The following PCM1 variants were observed in gnomAD, a reference collection of about 807,000 sequenced individuals.
The protein encoded by PCM1 is pericentriolar material 1.
In PCM1, 157 loss-of-function variants were observed where a neutral mutation model predicts 241.9. The observed-to-expected ratio is 0.65, with a 90% CI of 0.57 to 0.74. The LOEUF is 0.74. Ranked by LOEUF, PCM1 falls within the 30% of genes least tolerant of loss-of-function variation. The probability of loss-of-function intolerance (pLI) is 0.00; values close to 1 mark genes in which losing one functional copy is unlikely to be tolerated. For synonymous variants in PCM1, 1,085 were observed against 784.9 expected, an observed-to-expected ratio of 1.38 and a Z score of -6.39; for missense variants, 3,478 against 2,360.1, an observed-to-expected ratio of 1.47 and a Z score of -9.81.
At chr8:18,026,790 T>C (rs1354627467) in intron 38 of PCM1, among the ~76,000 whole-genome samples, 1 of 152,206 alleles carries the variant, frequency 6.6e-6, no homozygotes, top group Non-Finnish European at 1.5e-5. Context: ...CCATCAACTT[T>C]GGTCATTATC....
chr8:17,985,355 A>G (rs2082253801), intron 24 of PCM1, 92 bp from the exon 25 acceptor site: 1 of 763,110 alleles, frequency 1.3e-6, no homozygotes, highest in Non-Finnish European at 2.0e-6. Flanking sequence ...ATTTTTAGAT[A>G]ATTTAAAGCT....
chr8:17,984,768 T>G (rs1425855737), intron 24 of PCM1, among the ~76,000 whole-genome samples: 2 of 151,984 alleles, frequency 1.3e-5, no homozygotes, highest in African/African-American at 4.8e-5. Flanking sequence ...TTTAGCCGAA[T>G]TGTAGCTAAA....
At chr8:17,953,474 C>T (rs4921823) in intron 9 of PCM1, among the ~76,000 whole-genome samples, 3,529 of 152,028 alleles carry the variant, frequency 0.023, 57 homozygotes, top group Non-Finnish European at 0.037. Context: ...CTGTTTGATA[C>T]GTGGACATAT....
intron 23 of PCM1, chr8:17,980,353 A>G (rs532495630): frequency 2.9e-4 from 100 of 344,824 alleles, no homozygotes; most frequent in Admixed American, 5.0e-4. Flanking sequence ...ATTGGAATAT[A>G]CTCATTAAGA....
At chr8:17,971,311 C>G (rs1039258419) in intron 22 of PCM1, among the ~76,000 whole-genome samples, 26 of 152,152 alleles carry the variant, frequency 1.7e-4, no homozygotes, top group Admixed American at 1.7e-3. Context: ...CTATTAGGAG[C>G]AGTGTTGTTG....
At chr8:17,972,830 TTATA>T in intron 23 of PCM1, 143 bp downstream of exon 23, 1 of 398,760 alleles carries the variant, frequency 2.5e-6, no homozygotes, top group East Asian at 3.7e-5. Flanking sequence ...TTAGTTACCT[TTATA>T]TATATAATTT....
chr8:18,012,516 T>G (rs2092657514), intron 34 of PCM1, among the ~76,000 whole-genome samples: 1 of 152,216 alleles, frequency 6.6e-6, no homozygotes, highest in African/African-American at 2.4e-5. Flanking sequence ...ATCCACAGTT[T>G]TGGAACATAC....
intron 17 of PCM1, 58 bp from the exon 18 acceptor site, chr8:17,964,509 TG>T (rs2074033193): frequency 7.9e-7 from 1 of 1,268,762 alleles, no homozygotes; most frequent in Non-Finnish European, 1.1e-6. Flanking sequence ...ACATAGTAGG[TG>T]GCAGAGTATT....
At chr8:18,000,906 C>T (rs1187403845) in intron 29 of PCM1, among the ~76,000 whole-genome samples, 4 of 152,118 alleles carry the variant, frequency 2.6e-5, no homozygotes, top group African/African-American at 9.7e-5. Flanking sequence ...ACTGTGCCAG[C>T]CAAGAGTTTT....
At chr8:17,997,548 T>C (rs1313845444) in intron 29 of PCM1, among the ~76,000 whole-genome samples, 3 of 152,140 alleles carry the variant, frequency 2.0e-5, no homozygotes, top group African/African-American at 7.2e-5. Context: ...TTTTTTTCTT[T>C]TGTCTCCTCA....
rs941652877 is a variant in PCM1, at chr8:18,029,524, A to C, written c.*1862A>C. 2.8e-5 allele frequency: 6 copies of C among 212,758 alleles called. No individual in the cohort carries two copies. Among genetic ancestry groups the C allele is most frequent in the Non-Finnish European group, 4.8e-5 (5 of 104,980 alleles). The allele number at this position is 212,758 out of a possible 1,614,324, so 13.2% of individuals were successfully genotyped here. A position where few individuals can be genotyped will look rare whatever the true frequency, so the allele number is the denominator to read the frequency against. ...TGTCTGCATGCATATTAAAGTGGAAAAATTGTATTTATATCTTAGTTATTA... is the reference window on the plus strand; with the variant it reads ...TGTCTGCATGCATATTAAAGTGGAACAATTGTATTTATATCTTAGTTATTA... On this transcript the variant is annotated 3_prime_UTR_variant, in exon 39 of 39. Coordinates refer to ENST00000325083, the MANE Select transcript of PCM1 (RefSeq NM_006197.4).
Position 17,986,050 on chromosome 8 carries a change from A to T in PCM1, c.4373A>T (p.Glu1458Val), listed in dbSNP as rs759653171. The T allele has an allele frequency of 2.5e-6, 4 of 1,602,058 alleles. No individual in the cohort carries two copies. Among genetic ancestry groups the T allele is most frequent in the Non-Finnish European group, 3.4e-6 (4 of 1,173,056 alleles). ...GGTACTTGGATAGCATCAAACTCAG[A>T]ACTTACTCCTAGTGAGAGCCTTGCT... is the stretch of plus-strand genomic sequence containing the variant. Reference protein sequence around the residue: ...NSGTWIASNSELTPSESLATT... With the variant: ...NSGTWIASNSVLTPSESLATT... The change falls in exon 26 of 39, where the codon GAA becomes GTA. Residue 1458 changes from glutamate (E) to valine (V), a missense_variant. Transcript: ENST00000325083.
Position 17,966,055 on chromosome 8 carries a change from C to T in PCM1, c.2912C>T (p.Thr971Ile), listed in dbSNP as rs1298240343. ...GAAAATTATCGTCCTTTAGCCAAGA[C>T]AAGGCAACAGAATATCAGCATGCAA... ...ADENYRPLAK[T>I]RQQNISMQRQ... Residue 971 changes from threonine (T) to isoleucine (I), a missense_variant, in exon 19 of 39, where the codon ACA (threonine) becomes ATA (isoleucine). Coordinates refer to ENST00000325083, the MANE Select transcript of PCM1 (RefSeq NM_006197.4). 6.2e-7 allele frequency: 1 copy of T among 1,613,708 alleles called. No homozygotes were observed. Among genetic ancestry groups the T allele is most frequent in the Admixed American group, 1.7e-5 (1 of 59,974 alleles).
chr8:17,950,854 G>T, intron 8 of PCM1, 130 bp downstream of exon 8: 1 of 640,546 alleles, frequency 1.6e-6, no homozygotes, highest in South Asian at 1.9e-5. Context: ...GATTGGTGGG[G>T]TCCCCCCCAC....
At chr8:18,027,231 G>T (rs906380560) in intron 38 of PCM1, among the ~76,000 whole-genome samples, 9 of 152,040 alleles carry the variant, frequency 5.9e-5, no homozygotes, top group African/African-American at 2.2e-4. Flanking sequence ...ACCCTTCTCA[G>T]TTGCAGCCTC....
chr8:17,935,716 C>T lies in PCM1; in HGVS notation c.96+10C>T. The T allele has an allele frequency of 3.3e-6, 4 of 1,213,932 alleles. No individual in the cohort carries two copies. The South Asian group carries it at 3.6e-5, about 11-fold the overall frequency. The allele number at this position is 1,213,932 out of a possible 1,614,324, so 75.2% of individuals were successfully genotyped here. On this transcript the variant is annotated intron_variant, in intron 3 of 38. Transcript: ENST00000325083. ...CAGGCTCAACAATATGGTATGATTCCTTACTCTTCATGGTGTGTTGTTGGC... is the reference window on the plus strand; with the variant it reads ...CAGGCTCAACAATATGGTATGATTCTTTACTCTTCATGGTGTGTTGTTGGC...
At chr8:18,007,290 T>A (rs2091594763) in intron 30 of PCM1, among the ~76,000 whole-genome samples, 1 of 152,166 alleles carries the variant, frequency 6.6e-6, no homozygotes, top group South Asian at 2.1e-4. Flanking sequence ...CACTATTAAC[T>A]TTTTTTAAAC....
At chr8:17,941,865 C>G (rs1005744282) in intron 6 of PCM1, among the ~76,000 whole-genome samples, 5 of 139,046 alleles carry the variant, frequency 3.6e-5, no homozygotes, top group African/African-American at 1.5e-4. Flanking sequence ...CTTGGGAAGT[C>G]TCTAAATGAG....
chr8:18,013,915 A>G, intron 34 of PCM1, 49 bp from the exon 35 acceptor site: 1 of 1,100,332 alleles, frequency 9.1e-7, no homozygotes, highest in South Asian at 1.4e-5. Context: ...TCTCTTTTAT[A>G]GTGACCATAT....
Sources: allele counts gnomAD v4.1 joint callset (sites outside exome capture counted in the v4.1 genomes callset), GRCh38; gene constraint gnomAD v4.1.1; transcripts MANE v1.5; gene names NCBI Gene and HGNC (gene_info 2026-07-23, HGNC 2026-07-21).